CACNA1A: variants seen among roughly 807,000 people sequenced by gnomAD.
CACNA1A encodes voltage-dependent P/Q-type calcium channel subunit alpha-1A.
In CACNA1A, 57 loss-of-function variants were observed where a neutral mutation model predicts 262.4. That is an observed-to-expected ratio of 0.22 (90% CI 0.18 to 0.27). The LOEUF is 0.27. Ranked by LOEUF, CACNA1A falls within the 10% of genes least tolerant of loss-of-function variation. The pLI is 1.00. For missense variants in CACNA1A, 2,526 were observed against 3,562.8 expected (o/e 0.71, Z 7.41); for synonymous variants, 1,431 against 1,419.3 (o/e 1.01, Z -0.18).
intron 3 of CACNA1A, among the ~76,000 whole-genome samples, chr19:13,376,773 A>C (rs1028046362): frequency 3.8e-5 from 5 of 132,572 alleles, no homozygotes; most frequent in Admixed American, 7.5e-5. Context: ...GACATATATA[A>C]CACATAATAT....
chr19:13,330,410 C>CA, intron 9 of CACNA1A, 77 bp from the exon 10 acceptor site: 4 of 1,049,860 alleles, frequency 3.8e-6, no homozygotes, highest in Non-Finnish European at 5.8e-6. Context: ...ACAGTGTGTC[C>CA]TTGGATTTAA....
At chr19:13,422,916 G>A (rs1337502759) in intron 3 of CACNA1A, among the ~76,000 whole-genome samples, 1 of 152,228 alleles carries the variant, frequency 6.6e-6, no homozygotes, top group Non-Finnish European at 1.5e-5. Flanking sequence ...ACATTGCCTT[G>A]TGCATCTTTT....
intron 24 of CACNA1A, among the ~76,000 whole-genome samples, chr19:13,265,022 G>A (rs1188617853): frequency 6.6e-6 from 1 of 151,966 alleles, no homozygotes; most frequent in East Asian, 1.9e-4. Context: ...CTACAGGCAT[G>A]AGTCACCACA....
intron 1 of CACNA1A, among the ~76,000 whole-genome samples, chr19:13,503,820 C>T (rs1982686456): frequency 6.6e-6 from 1 of 152,058 alleles, no homozygotes; most frequent in African/African-American, 2.4e-5. Flanking sequence ...ACAAACTCAT[C>T]ATAAGAGCAA....
At chr19:13,464,737 A>T (rs1189842664) in intron 1 of CACNA1A, among the ~76,000 whole-genome samples, 2 of 149,778 alleles carry the variant, frequency 1.3e-5, no homozygotes, top group African/African-American at 2.5e-5. Flanking sequence ...TTTAGTAGAG[A>T]CGGGGTTTCA....
chr19:13,384,658 C>T (rs1241401472), intron 3 of CACNA1A, among the ~76,000 whole-genome samples: 2 of 152,194 alleles, frequency 1.3e-5, no homozygotes, highest in Non-Finnish European at 2.9e-5. Flanking sequence ...TGAGATCGCA[C>T]CACTGCACTC....
At chr19:13,412,315 G>T (rs1354306700) in intron 3 of CACNA1A, among the ~76,000 whole-genome samples, 2 of 151,870 alleles carry the variant, frequency 1.3e-5, no homozygotes, top group African/African-American at 4.8e-5. Flanking sequence ...TCCTGCCTTG[G>T]CCTCCTGAGT....
chr19:13,267,774 C>T (rs1458258781), intron 24 of CACNA1A, among the ~76,000 whole-genome samples: 9 of 151,734 alleles, frequency 5.9e-5, no homozygotes, highest in Non-Finnish European at 8.8e-5. Flanking sequence ...GAGACCCTGT[C>T]TCTCTCCTTC....
intron 5 of CACNA1A, chr19:13,362,402 A>C (rs944944103): frequency 1.3e-5 from 2 of 151,992 alleles, no homozygotes; most frequent in African/African-American, 4.8e-5. Context: ...ACGGGGTTTC[A>C]CTATGTTGGC....
At chr19:13,393,685 C>CTTT (rs1568602463) in intron 3 of CACNA1A, among the ~76,000 whole-genome samples, 1 of 78,556 alleles carries the variant, frequency 1.3e-5, no homozygotes, top group East Asian at 7.7e-4. Context: ...CTCTTTCTTT[C>CTTT]CTTTTCTTTC....
chr19:13,466,307 CT>C (rs558130236), intron 1 of CACNA1A, among the ~76,000 whole-genome samples: 6,900 of 134,096 alleles, frequency 0.051, 482 homozygotes, highest in African/African-American at 0.16. Context: ...AGGCTCTGTC[CT>C]TTTTTTTTTT....
chr19:13,332,440 C>T (rs1162392501), intron 9 of CACNA1A, among the ~76,000 whole-genome samples: 2 of 151,908 alleles, frequency 1.3e-5, no homozygotes, highest in East Asian at 3.9e-4. Flanking sequence ...ATGGTTCTGT[C>T]TCGTTAAGTT....
intron 1 of CACNA1A, among the ~76,000 whole-genome samples, chr19:13,463,320 T>C (rs181131710): frequency 2.6e-5 from 4 of 152,272 alleles, no homozygotes; most frequent in Admixed American, 2.6e-4. Flanking sequence ...TATTCATGAC[T>C]ATTTCAACTT....
intron 9 of CACNA1A, 135 bp from the exon 10 acceptor site, chr19:13,330,468 C>T (rs1337352241): frequency 1.3e-5 from 9 of 711,600 alleles, no homozygotes; most frequent in Non-Finnish European, 2.0e-5. Flanking sequence ...ACCCATTTTT[C>T]AGATGTGTAA....
In CACNA1A at chr19:13,369,811, C is replaced by T. The variant is rs558061409; in HGVS notation, c.631+1877G>A. ...GAGCCACTGCACCTGGCTCTTTTGA[C>T]TATTAGATTTGGGATGGCCCTTAAT... On this transcript the variant is annotated intron_variant, in intron 4 of 46. Coordinates refer to ENST00000360228, the MANE Select transcript of CACNA1A (RefSeq NM_001127222.2). Among the ~76,000 whole-genome samples, 2 of 152,120 alleles carry T rather than the reference C, an allele frequency of 1.3e-5. 1 individual carries two copies. Among genetic ancestry groups the T allele is most frequent in the South Asian group, 4.1e-4 (2 of 4,820 alleles).
intron 2 of CACNA1A, among the ~76,000 whole-genome samples, chr19:13,454,889 G>A (rs529942543): frequency 6.6e-6 from 1 of 152,194 alleles, no homozygotes; most frequent in East Asian, 1.9e-4. Context: ...AGCCCAGGAG[G>A]TGGAGGCTGC....
At chr19:13,314,674 C>T (rs184129135) in intron 11 of CACNA1A, among the ~76,000 whole-genome samples, 226 of 152,272 alleles carry the variant, frequency 1.5e-3, no homozygotes, top group Non-Finnish European at 2.8e-3. Context: ...CTGTTCTTAT[C>T]AAATTACCCA....
Position 13,241,108 on chromosome 19 carries a change from T to C in CACNA1A, c.4950+4074A>G, listed in dbSNP as rs1032712592. Among the ~76,000 whole-genome samples the C allele has an allele frequency of 3.3e-5, 5 of 152,112 alleles. No homozygotes were observed. Among genetic ancestry groups the C allele is most frequent in the African/African-American group, 7.2e-5 (3 of 41,414 alleles). On this transcript the variant is annotated intron_variant, in intron 31 of 46. Coordinates refer to ENST00000360228, the MANE Select transcript of CACNA1A (RefSeq NM_001127222.2). This position sits in a 1 kb window ranked among gnomAD's most constrained non-coding sequence, Gnocchi z 4.0. ...GAGGGGCGAGGAGACAGTTGGCAGC[T>C]TTCCTGGGGCCTGGGGTCCATGGAG...
chr19:13,333,283 C>T (rs2058497619), intron 8 of CACNA1A, among the ~76,000 whole-genome samples: 1 of 152,154 alleles, frequency 6.6e-6, no homozygotes, highest in African/African-American at 2.4e-5. Context: ...AAATACGTTC[C>T]TAGCTCAGGG....
Sources: allele counts gnomAD v4.1 joint callset (sites outside exome capture counted in the v4.1 genomes callset), GRCh38; gene constraint gnomAD v4.1.1; non-coding constraint Gnocchi (gnomAD v3.1); transcripts MANE v1.5; gene names NCBI Gene and HGNC (gene_info 2026-07-23, HGNC 2026-07-21).